Variants in GLRA2 observed in about 807,000 individuals in gnomAD.
GLRA2 encodes the protein glycine receptor alpha 2, also known as glycine receptor subunit alpha-2.
A neutral mutation model predicts 31.6 loss-of-function variants in GLRA2; 11 were observed. That is an observed-to-expected ratio of 0.35 (90% CI 0.22 to 0.58). The LOEUF (loss-of-function observed/expected upper bound fraction) is 0.58. GLRA2 is among the 20% of genes least tolerant of loss of function. GLRA2 has a pLI of 0.84. For missense variants in GLRA2, 212 were observed against 351.8 expected (o/e 0.60, Z 3.18); for synonymous variants, 132 against 134.0 (o/e 0.99, Z 0.10).
At chrX:14,470,109 T>C in the GLRA2 span, among the ~76,000 whole-genome samples, 1 of 111,970 alleles carries the variant, frequency 8.9e-6, no homozygotes, top group Non-Finnish European at 1.9e-5. Flanking sequence ...AGTCAAATTT[T>C]TATCTTCCAT....
chrX:14,501,024 A>G, the GLRA2 span, among the ~76,000 whole-genome samples: 2 of 110,508 alleles, frequency 1.8e-5, no homozygotes, highest in East Asian at 5.7e-4. Flanking sequence ...ATTTTTCATA[A>G]GAAAACAAAG....
intron 7 of GLRA2, among the ~76,000 whole-genome samples, chrX:14,611,102 T>C (rs1021210634): frequency 8.9e-6 from 1 of 112,740 alleles, no homozygotes; most frequent in African/African-American, 3.2e-5. Flanking sequence ...ATGTAACTTA[T>C]GTGGATGATG....
intron 7 of GLRA2, among the ~76,000 whole-genome samples, chrX:14,646,758 T>G (rs757740122): frequency 2.7e-5 from 3 of 111,582 alleles, no homozygotes; most frequent in African/African-American, 9.8e-5. Context: ...GGTGGGAGTT[T>G]AACAAAGGTA....
At chrX:14,521,137 T>C in the GLRA2 span, among the ~76,000 whole-genome samples, 2 of 112,421 alleles carry the variant, frequency 1.8e-5, no homozygotes, top group African/African-American at 3.2e-5. Flanking sequence ...CCTGAGATAT[T>C]TGTGATGCTT....
At chrX:14,619,032 G>A (rs932718401) in intron 7 of GLRA2, among the ~76,000 whole-genome samples, 1 of 111,182 alleles carries the variant, frequency 9.0e-6, no homozygotes, top group Non-Finnish European at 1.9e-5. Flanking sequence ...CAACTAATTT[G>A]GGATCTTAAT....
the GLRA2 span, among the ~76,000 whole-genome samples, chrX:14,502,488 C>T: frequency 1.2e-4 from 13 of 111,562 alleles, no homozygotes; most frequent in Non-Finnish European, 1.5e-4. Flanking sequence ...TGAGTATTTA[C>T]TGTATACAGT....
rs1556060545 is a variant in GLRA2, at chrX:14,681,913, A to ATATATATATATATATATG, written c.931-8787_931-8770dup. ...TCTCAAAAAAAAAAAAAAAAAAAATATATATATATATATATATGTATATAT... is the reference window on the plus strand; with the variant it reads ...TCTCAAAAAAAAAAAAAAAAAAAATATATATATATATATATATGTATATATATATATATATGTATATAT... On this transcript the variant is annotated intron_variant, in intron 7 of 8. Transcript: ENST00000218075. Among the ~76,000 whole-genome samples, 289 of 59,248 alleles carry ATATATATATATATATATG rather than the reference A, an allele frequency of 4.9e-3. 5 individuals carry two copies. The highest frequency in any genetic ancestry group is 0.015 in the African/African-American group (262 of 17,033). 51.4% of individuals were successfully genotyped at this position (59,248 alleles called of 115,157 possible).
At chrX:14,669,504 G>T (rs2091069039) in intron 7 of GLRA2, among the ~76,000 whole-genome samples, 1 of 111,140 alleles carries the variant, frequency 9.0e-6, no homozygotes, top group Non-Finnish European at 1.9e-5. Context: ...GCAAACTTCT[G>T]CTTGGGCATC....
intron 7 of GLRA2, among the ~76,000 whole-genome samples, chrX:14,681,356 TCTTC>T (rs915016773): frequency 9.9e-5 from 11 of 111,503 alleles, no homozygotes; most frequent in Non-Finnish European, 1.3e-4. Context: ...TTCCTTGCTT[TCTTC>T]CTTCCTTCCT....
chrX:14,454,799 A>G, the GLRA2 span, among the ~76,000 whole-genome samples: 1 of 111,898 alleles, frequency 8.9e-6, no homozygotes, highest in African/African-American at 3.2e-5. Flanking sequence ...CTTGTGTCCA[A>G]TATGCTATGA....
chrX:14,621,589 C>T (rs1232988834), intron 7 of GLRA2, among the ~76,000 whole-genome samples: 1 of 110,782 alleles, frequency 9.0e-6, no homozygotes, highest in African/African-American at 3.3e-5. Flanking sequence ...GTTCAATTCC[C>T]ACCTATGAGT....
chrX:14,479,428 G>A, the GLRA2 span, among the ~76,000 whole-genome samples: 9 of 111,278 alleles, frequency 8.1e-5, no homozygotes, highest in Non-Finnish European at 1.5e-4. Flanking sequence ...TACAAATGCA[G>A]GTTTCTTACC....
Position 14,556,922 on chromosome X carries a change from AT to A in GLRA2, c.203-17410del, listed in dbSNP as rs58816204. Among the ~76,000 whole-genome samples the A allele has an allele frequency of 4.5e-3, 501 of 111,075 alleles. 6 individuals carry two copies. Among genetic ancestry groups the A allele is most frequent in the African/African-American group, 0.016 (477 of 30,490 alleles). ...GGTCATAAGTAGTAGAAGACCAAGT[AT>A]ATACTAGACACATAATGGGTACTCA... On this transcript the variant is annotated intron_variant, in intron 2 of 8. Transcript: ENST00000218075.
upstream of GLRA2, among the ~76,000 whole-genome samples, chrX:14,526,846 GC>G (rs1184935341): frequency 1.8e-5 from 2 of 111,484 alleles, no homozygotes; most frequent in Non-Finnish European, 3.8e-5. Flanking sequence ...TATTTTCTAA[GC>G]GAGTGTACTG....
rs2091991622 is a variant in GLRA2, at chrX:14,731,358, AC to A, written c.*874del. Reference sequence around the variant, plus strand: ...ATATATTTTTGCTTTGGCTATATTTACACGTGACTTTAATCGCCCAACTGTG... The same window carrying A: ...ATATATTTTTGCTTTGGCTATATTTAACGTGACTTTAATCGCCCAACTGTG... On this transcript the variant is annotated 3_prime_UTR_variant, in exon 9 of 9. Coordinates refer to ENST00000218075, the MANE Select transcript of GLRA2 (RefSeq NM_002063.4). 8.9e-6 allele frequency: 1 copy of A among 111,982 alleles called. No individual in the cohort carries two copies. Among genetic ancestry groups the A allele is most frequent in the Non-Finnish European group, 1.9e-5 (1 of 53,236 alleles). 9.2% of individuals were successfully genotyped at this position (111,982 alleles called of 1,213,427 possible). A position where few individuals can be genotyped will look rare whatever the true frequency, so the allele number is the denominator to read the frequency against.
chrX:14,676,222 A>G (rs1450333818), intron 7 of GLRA2, among the ~76,000 whole-genome samples: 1 of 112,840 alleles, frequency 8.9e-6, no homozygotes, highest in African/African-American at 3.2e-5. Flanking sequence ...ATAATTAAAC[A>G]TTTTTATTTG....
chrX:14,580,708 T>G (rs778052247), intron 3 of GLRA2, among the ~76,000 whole-genome samples: 1 of 112,273 alleles, frequency 8.9e-6, no homozygotes, highest in African/African-American at 3.2e-5. Context: ...TGCCCCATCA[T>G]GTCATAGTTT....
chrX:14,593,354 G>A (rs190011381), intron 4 of GLRA2, among the ~76,000 whole-genome samples: 4 of 112,049 alleles, frequency 3.6e-5, no homozygotes, highest in East Asian at 2.8e-4. Context: ...TATTAAGTAC[G>A]TATATTAATA....
intron 4 of GLRA2, among the ~76,000 whole-genome samples, chrX:14,583,477 G>C (rs889357280): frequency 1.8e-5 from 2 of 112,549 alleles, no homozygotes; most frequent in South Asian, 3.6e-4. Flanking sequence ...CGTGGGTCAC[G>C]CCTGTAATCC....
Sources: allele counts gnomAD v4.1 joint callset (sites outside exome capture counted in the v4.1 genomes callset), GRCh38; gene constraint gnomAD v4.1.1; transcripts MANE v1.5; gene names NCBI Gene and HGNC (gene_info 2026-07-23, HGNC 2026-07-21).